The following CYSLTR1 variants were observed in gnomAD, a reference collection of about 807,000 sequenced individuals.
CYSLTR1 encodes cysteinyl leukotriene receptor 1, also known as G-protein coupled receptor HG55.
In CYSLTR1, 1 loss-of-function variant was observed where a neutral mutation model predicts 2.1. That is an observed-to-expected ratio of 0.48 (90% CI 0.17 to 2.28). The LOEUF is 2.28. Ranked by LOEUF, CYSLTR1 falls within the 30% of genes most tolerant of loss-of-function variation. The pLI is 0.26. For synonymous variants in CYSLTR1, 110 were observed against 89.6 expected, an observed-to-expected ratio of 1.23 and a Z score of -1.28; for missense variants, 299 against 250.1, an observed-to-expected ratio of 1.20 and a Z score of -1.32.
chrX:78,280,613 A>ATT (rs1461230758), intron 2 of CYSLTR1, among the ~76,000 whole-genome samples: 1 of 110,340 alleles, frequency 9.1e-6, no homozygotes, highest in Non-Finnish European at 1.9e-5. Context: ...TTTGTTATAT[A>ATT]GGTAAACTTG....
At chrX:78,291,749 T>A (rs1265874531) in intron 1 of CYSLTR1, among the ~76,000 whole-genome samples, 1 of 111,821 alleles carries the variant, frequency 8.9e-6, no homozygotes, top group African/African-American at 3.3e-5. Flanking sequence ...TTTATTTGCA[T>A]AGAGGTGTTT....
At chrX:78,273,967 CT>C (rs890613221) in intron 2 of CYSLTR1, among the ~76,000 whole-genome samples, 194 bp from the exon 3 acceptor site, 3 of 109,415 alleles carry the variant, frequency 2.7e-5, no homozygotes, top group Non-Finnish European at 5.7e-5. Context: ...ATCCAGAAAA[CT>C]TTTTTTTTGT....
intron 1 of CYSLTR1, among the ~76,000 whole-genome samples, chrX:78,315,517 G>A (rs1030286188): frequency 9.0e-6 from 1 of 111,384 alleles, no homozygotes; most frequent in Admixed American, 9.5e-5. Flanking sequence ...TGGGCTGGAA[G>A]GGAGCCTACT....
chrX:78,299,609 C>A (rs1922727804), intron 1 of CYSLTR1, among the ~76,000 whole-genome samples: 1 of 110,639 alleles, frequency 9.0e-6, no homozygotes, highest in Non-Finnish European at 1.9e-5. Context: ...ATATGTAATG[C>A]CACTCTCTCC....
intron 1 of CYSLTR1, among the ~76,000 whole-genome samples, chrX:78,306,074 A>G (rs1923018877): frequency 8.9e-6 from 1 of 112,782 alleles, no homozygotes; most frequent in Non-Finnish European, 1.9e-5. Context: ...GTGAAAAGAG[A>G]AATAAGCCAG....
In CYSLTR1 at chrX:78,282,761, C is replaced by A. The variant is rs779947629; in HGVS notation, c.-28+693G>T. Reference sequence around the variant, plus strand: ...AAAAAATAAAAAATCCCACCCATATCATTGATATAGACTAATCATTTGTCC... The same window carrying A: ...AAAAAATAAAAAATCCCACCCATATAATTGATATAGACTAATCATTTGTCC... On this transcript the variant is annotated intron_variant, in intron 2 of 2. Coordinates refer to ENST00000373304, the MANE Select transcript of CYSLTR1 (RefSeq NM_006639.4). 3.1e-4 allele frequency among the ~76,000 whole-genome samples: 35 copies of A among 111,468 alleles called. No individual in the cohort carries two copies. The Admixed American group carries it at 3.2e-3, about 10-fold the overall frequency.
chrX:78,299,129 T>A (rs2147264199), intron 1 of CYSLTR1, among the ~76,000 whole-genome samples: 1 of 111,933 alleles, frequency 8.9e-6, no homozygotes, highest in East Asian at 2.8e-4. Flanking sequence ...ACTATTTGCA[T>A]AAACAAACAA....
At chrX:78,309,297 G>A (rs1229443879) in intron 1 of CYSLTR1, among the ~76,000 whole-genome samples, 1 of 111,539 alleles carries the variant, frequency 9.0e-6, no homozygotes, top group Admixed American at 9.5e-5. Context: ...ATTGTTTACA[G>A]GAAAAGGTAT....
In CYSLTR1 at chrX:78,272,858, A is replaced by C. The variant is rs774294162; in HGVS notation, c.889T>G (p.Phe297Val). Reference sequence around the variant, plus strand: ...CTTTTCCTAAAGTTACCCCCAGAAAAGAAATATAGGAGAGGGTCAAAGCAA... The same window carrying C: ...CTTTTCCTAAAGTTACCCCCAGAAACGAAATATAGGAGAGGGTCAAAGCAA... ...NCCFDPLLYFFSGGNFRKRLS... is the reference protein window; with the variant it reads ...NCCFDPLLYFVSGGNFRKRLS... The change falls in exon 3 of 3, where the codon TTT becomes GTT. Residue 297 changes from phenylalanine to valine, a missense_variant. Coordinates refer to ENST00000373304, the MANE Select transcript of CYSLTR1 (RefSeq NM_006639.4). The C allele has an allele frequency of 8.3e-7, 1 of 1,211,464 alleles. No individual in the cohort carries two copies.
intron 2 of CYSLTR1, among the ~76,000 whole-genome samples, chrX:78,276,101 T>C (rs1921578147): frequency 8.9e-6 from 1 of 112,175 alleles, no homozygotes; most frequent in African/African-American, 3.2e-5. Context: ...CTTTCTAGAC[T>C]TCCTAGACTT....
chrX:78,281,598 A>G (rs1921847522), intron 2 of CYSLTR1, among the ~76,000 whole-genome samples: 1 of 111,513 alleles, frequency 9.0e-6, no homozygotes, highest in Non-Finnish European at 1.9e-5. Flanking sequence ...TTTTTAAATA[A>G]TAGCCATTCC....
In CYSLTR1 at chrX:78,317,548, T is replaced by A. The variant is rs142204531; in HGVS notation, c.-115+9757A>T. On this transcript the variant is annotated intron_variant, in intron 1 of 2. Transcript: ENST00000373304. Reference sequence around the variant, plus strand: ...TGCACATGCATGTTTATAGTAGCACTATTCACACTTGCAAAAATATGGAAC... The same window carrying A: ...TGCACATGCATGTTTATAGTAGCACAATTCACACTTGCAAAAATATGGAAC... 4.0e-3 allele frequency among the ~76,000 whole-genome samples: 447 copies of A among 112,625 alleles called. 1 individual carries two copies. Among genetic ancestry groups the A allele is most frequent in the African/African-American group, 0.014 (430 of 31,031 alleles).
At chrX:78,274,045 C>T in intron 2 of CYSLTR1, among the ~76,000 whole-genome samples, 1 of 111,211 alleles carries the variant, frequency 9.0e-6, no homozygotes, top group East Asian at 2.8e-4. Flanking sequence ...AAACAGCCCT[C>T]CTGTATTTTA....
chrX:78,312,593 T>A (rs753665387), intron 1 of CYSLTR1, among the ~76,000 whole-genome samples: 1 of 111,840 alleles, frequency 8.9e-6, no homozygotes, highest in African/African-American at 3.2e-5. Flanking sequence ...AGGTCTAATA[T>A]CCGGAATCTA....
chrX:78,313,050 T>A (rs1385958950), intron 1 of CYSLTR1, among the ~76,000 whole-genome samples: 1 of 111,979 alleles, frequency 8.9e-6, no homozygotes, highest in East Asian at 2.8e-4. Flanking sequence ...GGCAAAGATG[T>A]GGAATCAACA....
chrX:78,273,070 G>T lies in CYSLTR1; in HGVS notation c.677C>A (p.Ser226Ter). ...LLKKSMKKNL[S>*]SHKKAIGMIM... ...CATTCCTATAGCCTTTTTATGACTTGACAGATTTTTTTTCATTGATTTTTT... is the reference window on the plus strand; with the variant it reads ...CATTCCTATAGCCTTTTTATGACTTTACAGATTTTTTTTCATTGATTTTTT... The change falls in exon 3 of 3, where the codon TCA becomes TAA. Residue 226 changes from serine to a stop codon, truncating the protein, a stop_gained. Transcript: ENST00000373304. LOFTEE classifies it high-confidence loss of function. 1 of 1,210,280 alleles carries T rather than the reference G, an allele frequency of 8.3e-7. No homozygotes were observed. The highest frequency in any genetic ancestry group is 1.1e-6 in the Non-Finnish European group (1 of 894,666).
intron 1 of CYSLTR1, among the ~76,000 whole-genome samples, chrX:78,292,276 G>C (rs745522173): frequency 2.7e-5 from 3 of 112,230 alleles, no homozygotes; most frequent in Non-Finnish European, 5.6e-5. Flanking sequence ...TAGTTGAGCA[G>C]TTTTGAGTGA....
rs1240568046 is a variant in CYSLTR1, at chrX:78,271,655, G to C, written c.*1078C>G. On this transcript the variant is annotated 3_prime_UTR_variant, in exon 3 of 3. Transcript: ENST00000373304. ...TAAAAGTCACTGTAAACATATCCAT[G>C]ATATTCCTGTCAACATACCAATAAA... 2 of 111,695 alleles carry C rather than the reference G, an allele frequency of 1.8e-5. No individual in the cohort carries two copies. Among genetic ancestry groups the C allele is most frequent in the Non-Finnish European group, 3.8e-5 (2 of 53,118 alleles). The allele number at this position is 111,695 out of a possible 1,213,427, so 9.2% of individuals were successfully genotyped here. A position where few individuals can be genotyped will look rare whatever the true frequency, so the allele number is the denominator to read the frequency against.
At chrX:78,320,630 G>T (rs1433893789) in intron 1 of CYSLTR1, 2 of 111,609 alleles carry the variant, frequency 1.8e-5, no homozygotes, top group Admixed American at 9.5e-5. Flanking sequence ...TAAAGTAGTT[G>T]TTTCCAATTC....
Sources: gnomAD v4.1 joint callset for allele counts (sites outside exome capture counted in the v4.1 genomes callset) on GRCh38, gnomAD v4.1.1 for gene constraint, MANE v1.5 for transcripts, NCBI Gene and HGNC (gene_info 2026-07-23, HGNC 2026-07-21) for gene names.